OPCML: variants seen among roughly 807,000 people sequenced by gnomAD.
OPCML encodes the protein opioid binding protein/cell adhesion molecule like, also known as opioid-binding protein/cell adhesion molecule.
Under a neutral mutation model 37.8 loss-of-function variants are expected in OPCML, and 13 were observed. The ratio of observed to expected loss-of-function variants is 0.34; its 90% CI spans 0.22 to 0.55. The LOEUF is 0.55. Among genes scored for constraint, OPCML ranks in the 20% least tolerant of loss-of-function variants. OPCML has a pLI of 0.91. For synonymous variants in OPCML, 176 were observed against 168.8 expected, an observed-to-expected ratio of 1.04 and a Z score of -0.33; for missense variants, 341 against 435.6, an observed-to-expected ratio of 0.78 and a Z score of 1.93.
chr11:133,364,258 A>G (rs1315472543), intron 1 of OPCML, among the ~76,000 whole-genome samples: 1 of 152,172 alleles, frequency 6.6e-6, no homozygotes, highest in Non-Finnish European at 1.5e-5. Flanking sequence ...CACCTATACT[A>G]CCAGCTATTG....
intron 1 of OPCML, among the ~76,000 whole-genome samples, chr11:133,377,741 G>T (rs994392255): frequency 5.3e-5 from 8 of 152,050 alleles, no homozygotes; most frequent in Admixed American, 4.6e-4. Context: ...GTCACCTCAG[G>T]AACACATGGT....
At chr11:132,573,955 C>T (rs2096444113) in intron 3 of OPCML, among the ~76,000 whole-genome samples, 1 of 151,838 alleles carries the variant, frequency 6.6e-6, no homozygotes, top group Non-Finnish European at 1.5e-5. Flanking sequence ...AGTTGTGGTA[C>T]TTTGTATGTT....
chr11:132,765,621 A>T (rs1388175378), intron 2 of OPCML, among the ~76,000 whole-genome samples: 1 of 152,244 alleles, frequency 6.6e-6, no homozygotes, highest in African/African-American at 2.4e-5. Context: ...TTCTAAGCTC[A>T]GATAGAAGCA....
At chr11:132,438,191 G>A (rs373227154) in intron 4 of OPCML, among the ~76,000 whole-genome samples, 53 of 152,228 alleles carry the variant, frequency 3.5e-4, no homozygotes, top group African/African-American at 1.2e-3. Context: ...TGGCCTCTCC[G>A]CCTTACCCCT....
chr11:133,306,894 G>T (rs1377478809), intron 1 of OPCML, among the ~76,000 whole-genome samples: 1 of 152,110 alleles, frequency 6.6e-6, no homozygotes, highest in African/African-American at 2.4e-5. Context: ...CATACAGCTG[G>T]CCATGTAATA....
intron 2 of OPCML, among the ~76,000 whole-genome samples, chr11:132,868,682 G>A (rs1942671232): frequency 6.6e-6 from 1 of 152,110 alleles, no homozygotes; most frequent in Non-Finnish European, 1.5e-5. Context: ...CTCTAGCACT[G>A]TGGGCTTAAA....
chr11:133,054,703 G>T (rs1279651883), intron 1 of OPCML, among the ~76,000 whole-genome samples: 1 of 152,234 alleles, frequency 6.6e-6, no homozygotes, highest in Non-Finnish European at 1.5e-5. Context: ...AAGCCTTAGA[G>T]AGTCCAACTG....
chr11:133,284,921 T>A (rs749511142), intron 1 of OPCML, among the ~76,000 whole-genome samples: 1 of 152,066 alleles, frequency 6.6e-6, no homozygotes, highest in Non-Finnish European at 1.5e-5. Flanking sequence ...GTAGACATGG[T>A]TCTTGCTCTA....
chr11:132,507,808 A>G (rs2137160817), intron 4 of OPCML, among the ~76,000 whole-genome samples: 1 of 151,998 alleles, frequency 6.6e-6, no homozygotes, highest in Non-Finnish European at 1.5e-5. Context: ...TAAACTAGAG[A>G]TATTCCTAGT....
intron 1 of OPCML, among the ~76,000 whole-genome samples, chr11:133,279,024 T>C (rs1417479651): frequency 1.3e-5 from 2 of 152,170 alleles, no homozygotes; most frequent in African/African-American, 4.8e-5. Context: ...ATGCTAGCGC[T>C]TAAACCTGGG....
At chr11:132,440,129 T>G (rs576419561) in intron 4 of OPCML, among the ~76,000 whole-genome samples, 1 of 152,168 alleles carries the variant, frequency 6.6e-6, no homozygotes, top group Non-Finnish European at 1.5e-5. Flanking sequence ...ACTTCTGGAA[T>G]GTGGGATTTG....
intron 4 of OPCML, among the ~76,000 whole-genome samples, chr11:132,464,711 T>A (rs2096114249): frequency 6.6e-6 from 1 of 152,204 alleles, no homozygotes; most frequent in African/African-American, 2.4e-5. Context: ...TAAGCCCCTC[T>A]ATTGATTAAC....
intron 4 of OPCML, among the ~76,000 whole-genome samples, chr11:132,492,310 A>G (rs932474133): frequency 1.3e-5 from 2 of 151,996 alleles, no homozygotes; most frequent in African/African-American, 2.4e-5. Flanking sequence ...GGCCCTGCAA[A>G]ACTGCAGGAG....
At chr11:132,560,822 G>T (rs1007305753) in intron 3 of OPCML, among the ~76,000 whole-genome samples, 1 of 152,102 alleles carries the variant, frequency 6.6e-6, no homozygotes, top group Admixed American at 6.5e-5. Flanking sequence ...TTAGTTGTTT[G>T]TCAGATGTAT....
chr11:133,421,324 T>C, intron 1 of OPCML: 2 of 985,326 alleles, frequency 2.0e-6, no homozygotes, highest in South Asian at 9.4e-5. Flanking sequence ...AGAGAGTGAA[T>C]TTAAGCAGTA....
chr11:132,479,471 C>G (rs200156467), intron 4 of OPCML, among the ~76,000 whole-genome samples: 2 of 152,206 alleles, frequency 1.3e-5, no homozygotes, highest in Admixed American at 1.3e-4. Context: ...ATTGCCCAGG[C>G]TTGCTTAGGT....
Position 133,484,164 on chromosome 11 carries a change from GTAGA to G in OPCML, c.61+48096_61+48099del, listed in dbSNP as rs532495992. Among the ~76,000 whole-genome samples the G allele has an allele frequency of 1.8e-4, 25 of 138,324 alleles. No homozygotes were observed. In the Middle Eastern group the frequency reaches 0.012, roughly 64 times the overall value. 90.7% of individuals were successfully genotyped at this position (138,324 alleles called of 152,430 possible). A position where few individuals can be genotyped will look rare whatever the true frequency, so the allele number is the denominator to read the frequency against. On this transcript the variant is annotated intron_variant, in intron 1 of 7. Coordinates refer to ENST00000524381, the MANE Select transcript of OPCML (RefSeq NM_001012393.5). The stretch of plus-strand genomic sequence containing the variant: ...GATAGATGGATAGATAGATAGATAG[GTAGA>G]TAGATAGATAGATAGATAGATAGAT...
intron 2 of OPCML, among the ~76,000 whole-genome samples, chr11:132,892,463 C>T (rs12420331): frequency 0.029 from 4,356 of 152,268 alleles, 76 homozygotes; most frequent in Middle Eastern, 0.054. Context: ...GGCCCTTTCT[C>T]GCTTTCAAAA....
intron 1 of OPCML, among the ~76,000 whole-genome samples, chr11:133,417,461 T>C (rs1411869210): frequency 2.6e-5 from 4 of 151,536 alleles, no homozygotes; most frequent in African/African-American, 9.7e-5. Flanking sequence ...GCACCTGGAT[T>C]CTTTTATTTA....
Sources: gnomAD v4.1 joint callset for allele counts (sites outside exome capture counted in the v4.1 genomes callset) on GRCh38, gnomAD v4.1.1 for gene constraint, MANE v1.5 for transcripts, NCBI Gene and HGNC (gene_info 2026-07-23, HGNC 2026-07-21) for gene names.